Variants in ITGBL1 observed in about 807,000 individuals in gnomAD.
ITGBL1 encodes integrin beta-like protein 1.
Under a neutral mutation model 68.5 loss-of-function variants are expected in ITGBL1, and 51 were observed. The observed-to-expected ratio is 0.74, with a 90% CI of 0.59 to 0.94. The LOEUF (loss-of-function observed/expected upper bound fraction) is 0.94, where lower values mean the gene tolerates loss of function less well. ITGBL1 is among the 40% of genes least tolerant of loss of function. The pLI is 0.00. For missense variants in ITGBL1, 649 were observed against 647.4 expected (o/e 1.00, Z -0.03); for synonymous variants, 209 against 227.3 (o/e 0.92, Z 0.72).
chr13:101,526,329 C>T (rs981806953), intron 2 of ITGBL1, among the ~76,000 whole-genome samples: 6 of 151,866 alleles, frequency 4.0e-5, no homozygotes, highest in Admixed American at 1.3e-4. Context: ...TGACAGGCCC[C>T]GGTGTGTGAT....
intron 2 of ITGBL1, among the ~76,000 whole-genome samples, chr13:101,565,112 C>G (rs1223604328): frequency 6.6e-6 from 1 of 151,888 alleles, no homozygotes; most frequent in Admixed American, 6.6e-5. Flanking sequence ...TTTTTTTAAG[C>G]CACCAAGTTT....
chr13:101,598,372 T>TTTTGTTTG, intron 7 of ITGBL1, 73 bp downstream of exon 7: 1 of 1,182,864 alleles, frequency 8.5e-7, no homozygotes, highest in Non-Finnish European at 1.1e-6. Context: ...ACACACATCT[T>TTTTGTTTG]TTTGTTTGTT....
At chr13:101,508,555 A>G (rs1022332722) in intron 2 of ITGBL1, among the ~76,000 whole-genome samples, 21 of 152,270 alleles carry the variant, frequency 1.4e-4, no homozygotes, top group Non-Finnish European at 1.5e-4. Flanking sequence ...ATATTTTCAT[A>G]TTTAAATATT....
intron 7 of ITGBL1, among the ~76,000 whole-genome samples, chr13:101,647,326 T>C (rs1175350255): frequency 6.6e-6 from 1 of 152,228 alleles, no homozygotes; most frequent in Non-Finnish European, 1.5e-5. Context: ...TGAGAAAATA[T>C]TTGTCTATAA....
rs528525443 is a variant in ITGBL1 at position 101,712,973 on chromosome 13, C to T, written c.1280-1465C>T. On this transcript the variant is annotated intron_variant, in intron 9 of 10. Coordinates refer to ENST00000376180, the MANE Select transcript of ITGBL1 (RefSeq NM_004791.3). ...AAAACTGAGAAGACGTGTATATTTC[C>T]TCAAGAGCATGCAAATCAACCTGGA... 2.6e-5 allele frequency: 4 copies of T among 152,276 alleles called. No homozygotes were observed. The East Asian group carries it at 5.8e-4, about 22-fold the overall frequency. 9.4% of individuals were successfully genotyped at this position (152,276 alleles called of 1,614,324 possible).
intron 2 of ITGBL1, among the ~76,000 whole-genome samples, chr13:101,514,571 A>C (rs1351546220): frequency 2.6e-5 from 4 of 152,230 alleles, no homozygotes; most frequent in Admixed American, 2.0e-4. Context: ...ACAAATGATG[A>C]GAAATATAAA....
At chr13:101,484,949 C>T (rs181930251) in intron 2 of ITGBL1, among the ~76,000 whole-genome samples, 20 of 151,904 alleles carry the variant, frequency 1.3e-4, no homozygotes, top group African/African-American at 4.6e-4. Context: ...TTGCTCAAAA[C>T]CGTTAATAGG....
chr13:101,567,113 T>C (rs181639871), intron 2 of ITGBL1, among the ~76,000 whole-genome samples: 1 of 152,246 alleles, frequency 6.6e-6, no homozygotes, highest in African/African-American at 2.4e-5. Context: ...TAAAGCAAAA[T>C]GACTATTGAG....
chr13:101,720,345 T>C (rs1273368531), downstream of ITGBL1: 1 of 152,130 alleles, frequency 6.6e-6, no homozygotes, highest in Non-Finnish European at 1.5e-5. Flanking sequence ...ACATCCTTCA[T>C]AGGGATAAAT....
At chr13:101,569,575 G>T (rs554799157) in intron 3 of ITGBL1, among the ~76,000 whole-genome samples, 2 of 152,092 alleles carry the variant, frequency 1.3e-5, no homozygotes, top group African/African-American at 4.8e-5. Flanking sequence ...TATTGAAAAT[G>T]TTATGTTTAT....
At chr13:101,631,814 C>T (rs2031987826) in intron 7 of ITGBL1, among the ~76,000 whole-genome samples, 1 of 151,952 alleles carries the variant, frequency 6.6e-6, no homozygotes, top group Non-Finnish European at 1.5e-5. Flanking sequence ...CAGCTAGTTG[C>T]CAAGGCAAGT....
intron 7 of ITGBL1, among the ~76,000 whole-genome samples, chr13:101,672,775 T>G (rs1156974690): frequency 6.6e-6 from 1 of 152,150 alleles, no homozygotes; most frequent in Non-Finnish European, 1.5e-5. Context: ...CTTCTGCTTA[T>G]TAAACTTTCC....
At chr13:101,500,091 G>A (rs1233432462) in intron 2 of ITGBL1, among the ~76,000 whole-genome samples, 1 of 152,096 alleles carries the variant, frequency 6.6e-6, no homozygotes, top group African/African-American at 2.4e-5. Flanking sequence ...ATTTTCTGTG[G>A]TCTCACAAAA....
chr13:101,673,674 T>C (rs565964450), intron 7 of ITGBL1, among the ~76,000 whole-genome samples: 21 of 152,356 alleles, frequency 1.4e-4, no homozygotes, highest in African/African-American at 4.8e-4. Context: ...TTAATTTTAC[T>C]TTGTATTTTT....
At position 101,683,571 on chromosome 13, in the gene ITGBL1, T is replaced by C. The variant is rs2139533063; in HGVS notation, c.1016-9014T>C. On this transcript the variant is annotated intron_variant, in intron 7 of 10. Coordinates refer to ENST00000376180, the MANE Select transcript of ITGBL1 (RefSeq NM_004791.3). Reference sequence around the variant, plus strand: ...TTCCTGGTTCACATGTGTATGCTTTTTTCTCTAGGGAACTTACCCAAGAAT... The same window carrying C: ...TTCCTGGTTCACATGTGTATGCTTTCTTCTCTAGGGAACTTACCCAAGAAT... Among the ~76,000 whole-genome samples, 4 of 152,132 alleles carry C rather than the reference T, an allele frequency of 2.6e-5. No homozygotes were observed. The East Asian group carries it at 5.8e-4, about 22-fold the overall frequency.
chr13:101,705,478 T>G (rs1041047527), intron 8 of ITGBL1, among the ~76,000 whole-genome samples: 4 of 152,018 alleles, frequency 2.6e-5, no homozygotes, highest in Non-Finnish European at 5.9e-5. Context: ...TTCACTGTAT[T>G]TCTCATGCCA....
intron 2 of ITGBL1, among the ~76,000 whole-genome samples, chr13:101,505,031 G>A (rs1034826958): frequency 1.3e-5 from 2 of 152,150 alleles, no homozygotes; most frequent in African/African-American, 4.8e-5. Context: ...GGCGTTTTGG[G>A]TGTTCGTGTT....
At chr13:101,713,247 GACC>G in intron 9 of ITGBL1, 1 of 152,274 alleles carries the variant, frequency 6.6e-6, no homozygotes, top group South Asian at 2.1e-4. Flanking sequence ...TATCTGTGAT[GACC>G]ACAACTCCTT....
rs10551253 is a variant in ITGBL1 at position 101,531,700 on chromosome 13, GTTATTTATTTATTTATTTAT to G, written c.317-35974_317-35955del. Reference sequence around the variant, plus strand: ...TTGAAGGTTTTATTTTTTTTATTTTGTTATTTATTTATTTATTTATTTATTTATTTATTTATTTATTTATG... The same window carrying G: ...TTGAAGGTTTTATTTTTTTTATTTTGTTATTTATTTATTTATTTATTTATG... On this transcript the variant is annotated intron_variant, in intron 2 of 10. Transcript: ENST00000376180. Among the ~76,000 whole-genome samples, 464 of 140,042 alleles carry G rather than the reference GTTATTTATTTATTTATTTAT, an allele frequency of 3.3e-3. 3 individuals carry two copies. Among genetic ancestry groups the G allele is most frequent in the African/African-American group, 0.011 (400 of 37,624 alleles). The allele number at this position is 140,042 out of a possible 152,430, so 91.9% of individuals were successfully genotyped here.
Sources: gnomAD v4.1 joint callset for allele counts (sites outside exome capture counted in the v4.1 genomes callset) on GRCh38, gnomAD v4.1.1 for gene constraint, MANE v1.5 for transcripts, NCBI Gene and HGNC (gene_info 2026-07-23, HGNC 2026-07-21) for gene names.